PROX1: variants seen among roughly 807,000 people sequenced by gnomAD.
The protein encoded by PROX1 is prospero homeobox 1.
A neutral mutation model predicts 58.8 loss-of-function variants in PROX1; 7 were observed. The observed-to-expected ratio is 0.12, with a 90% CI of 0.07 to 0.22. The LOEUF is 0.22. PROX1 is among the 10% of genes least tolerant of loss of function. PROX1 has a pLI of 1.00. For missense variants in PROX1, 675 were observed against 927.8 expected (o/e 0.73, Z 3.54); for synonymous variants, 350 against 358.3 (o/e 0.98, Z 0.26).
chr1:214,021,792 A>G (rs17021817), intron 4 of PROX1, among the ~76,000 whole-genome samples: 6,640 of 152,292 alleles, frequency 0.044, 487 homozygotes, highest in African/African-American at 0.15. Context: ...CTCTTGGCAA[A>G]TACTCTGGCA....
At chr1:214,015,997 G>A (rs1664081296) in intron 4 of PROX1, among the ~76,000 whole-genome samples, 1 of 152,058 alleles carries the variant, frequency 6.6e-6, no homozygotes. Flanking sequence ...ATTGAATAGG[G>A]AACTTGATTC....
In PROX1 at chr1:214,036,711, T is replaced by C. The variant is rs1664841734; in HGVS notation, c.*877T>C. 6.6e-6 allele frequency: 1 copy of C among 152,348 alleles called. No homozygotes were observed. Among genetic ancestry groups the C allele is most frequent in the East Asian group, 1.9e-4 (1 of 5,186 alleles). The allele number at this position is 152,348 out of a possible 1,614,324, so 9.4% of individuals were successfully genotyped here. On this transcript the variant is annotated 3_prime_UTR_variant, in exon 5 of 5. Transcript: ENST00000366958. The stretch of plus-strand genomic sequence containing the variant: ...AATTTACGCTGCTCAACTTTGTTTA[T>C]ATGCTTAAAAGGATTCTGTTTACTT...
intron 4 of PROX1, among the ~76,000 whole-genome samples, chr1:214,028,134 G>A (rs916191150): frequency 2.0e-5 from 3 of 152,056 alleles, no homozygotes; most frequent in African/African-American, 4.8e-5. Flanking sequence ...TTAGTCCTAA[G>A]CCCAGATGTT....
At chr1:214,027,343 G>A (rs920310356) in intron 4 of PROX1, among the ~76,000 whole-genome samples, 1 of 152,034 alleles carries the variant, frequency 6.6e-6, no homozygotes, top group African/African-American at 2.4e-5. Flanking sequence ...TTGGCAAGAA[G>A]GCCGATTGCC....
Position 214,038,190 on chromosome 1 carries a change from C to T in PROX1, c.*2356C>T, listed in dbSNP as rs887857960. On this transcript the variant is annotated 3_prime_UTR_variant, in exon 5 of 5. Transcript: ENST00000366958. ...TGCCCTTATCTACTGATAATATCCT[C>T]TCAATGTTCACTGAGGCATAGAAAT... 6.6e-6 allele frequency: 1 copy of T among 152,162 alleles called. No homozygotes were observed. Among genetic ancestry groups the T allele is most frequent in the Non-Finnish European group, 1.5e-5 (1 of 68,028 alleles). 9.4% of individuals were successfully genotyped at this position (152,162 alleles called of 1,614,324 possible). A position where few individuals can be genotyped will look rare whatever the true frequency, so the allele number is the denominator to read the frequency against.
upstream of PROX1, chr1:213,984,842 TTC>T (rs1662787592): frequency 6.6e-6 from 1 of 152,580 alleles, no homozygotes; most frequent in Non-Finnish European, 1.5e-5. Context: ...CTGGTTGTAA[TTC>T]TCAGAATTGG....
intron 2 of PROX1, 58 bp downstream of exon 2, chr1:213,998,318 T>C: frequency 6.6e-7 from 1 of 1,506,754 alleles, no homozygotes; most frequent in Non-Finnish European, 8.9e-7. Flanking sequence ...TCCCAAAAGG[T>C]TGGGTTTACA....
At chr1:213,995,271 G>A (rs1663217916) in intron 1 of PROX1, among the ~76,000 whole-genome samples, 1 of 152,136 alleles carries the variant, frequency 6.6e-6, no homozygotes, top group African/African-American at 2.4e-5. Flanking sequence ...CAAAATTTGG[G>A]ATTAGCATCA....
chr1:214,001,233 A>C lies in PROX1; in HGVS notation c.1725+2973A>C, dbSNP rs139641282. 5.5e-3 allele frequency among the ~76,000 whole-genome samples: 834 copies of C among 152,320 alleles called. 6 individuals carry two copies. The highest frequency in any genetic ancestry group is 0.019 in the African/African-American group (795 of 41,578). ...TCTGTAGGATAGAACACACTACCTCATTATCCCATCTAGTAGAAGGGAAAT... is the reference window on the plus strand; with the variant it reads ...TCTGTAGGATAGAACACACTACCTCCTTATCCCATCTAGTAGAAGGGAAAT... On this transcript the variant is annotated intron_variant, in intron 2 of 4. Transcript: ENST00000366958.
intron 4 of PROX1, among the ~76,000 whole-genome samples, chr1:214,019,764 G>A (rs963041842): frequency 6.6e-6 from 1 of 152,154 alleles, no homozygotes; most frequent in Non-Finnish European, 1.5e-5. Flanking sequence ...TGTTGCGTTG[G>A]CAAATGTCCC....
chr1:214,022,983 A>C (rs1251896391), intron 4 of PROX1, among the ~76,000 whole-genome samples: 4 of 152,218 alleles, frequency 2.6e-5, no homozygotes, highest in Admixed American at 1.3e-4. Context: ...TATCTCAGTC[A>C]AAATCTCCAG....
At chr1:214,018,349 C>T (rs1269114106) in intron 4 of PROX1, among the ~76,000 whole-genome samples, 4 of 152,186 alleles carry the variant, frequency 2.6e-5, no homozygotes, top group East Asian at 1.9e-4. Flanking sequence ...GAAGCGTAGA[C>T]GTTTAATACT....
chr1:213,990,936 G>A (rs527924111), intron 1 of PROX1, among the ~76,000 whole-genome samples: 1 of 152,228 alleles, frequency 6.6e-6, no homozygotes, highest in African/African-American at 2.4e-5. Context: ...TCCTAGATAT[G>A]AATTTGATGG....
intron 4 of PROX1, among the ~76,000 whole-genome samples, chr1:214,020,302 T>C (rs148303931): frequency 6.6e-6 from 1 of 152,328 alleles, no homozygotes; most frequent in East Asian, 1.9e-4. Flanking sequence ...CACTTTGAAA[T>C]GTGAGTACAG....
intron 1 of PROX1, among the ~76,000 whole-genome samples, chr1:213,994,833 C>A (rs1217185457): frequency 2.2e-5 from 3 of 135,704 alleles, no homozygotes; most frequent in African/African-American, 8.2e-5. Flanking sequence ...TCATGATACC[C>A]TAAAGCAGGC....
Position 213,997,072 on chromosome 1 carries a change from C to A in PROX1, c.537C>A (p.Ser179=), listed in dbSNP as rs1358536619. 6.2e-7 allele frequency: 1 copy of A among 1,613,850 alleles called. No individual in the cohort carries two copies. The highest frequency in any genetic ancestry group is 8.5e-7 in the Non-Finnish European group (1 of 1,180,006). The change falls in exon 2 of 5, where the codon TCC becomes TCA. Residue 179 remains serine (S), a synonymous_variant. Coordinates refer to ENST00000366958, the MANE Select transcript of PROX1 (RefSeq NM_001270616.2). The surrounding 1 kb of genome is among the most constrained non-coding windows in gnomAD (Gnocchi z 7.1). ...VENIIRGMSH[S]PSVALRGNEN... Reference sequence around the variant, plus strand: ...ATATAATTCGGGGTATGAGCCATTCCCCCAGTGTGGCATTAAGGGGCAATG... The same window carrying A: ...ATATAATTCGGGGTATGAGCCATTCACCCAGTGTGGCATTAAGGGGCAATG...
At chr1:214,019,233 GC>G (rs922970191) in intron 4 of PROX1, among the ~76,000 whole-genome samples, 1 of 151,206 alleles carries the variant, frequency 6.6e-6, no homozygotes, top group Admixed American at 6.6e-5. Flanking sequence ...TGCTCTTTTT[GC>G]CCCCCCACCC....
rs780703615 is a variant in PROX1, at chr1:214,011,505, C to T, written c.1834-16C>T. ...ATGGCAATGTTCTTATCCTTTTCAA[C>T]ATTTAAATTTAACAGTTCAACAGAT... On this transcript the variant is annotated splice_polypyrimidine_tract_variant and intron_variant, in intron 3 of 4. Coordinates refer to ENST00000366958, the MANE Select transcript of PROX1 (RefSeq NM_001270616.2). The T allele has an allele frequency of 7.5e-6, 12 of 1,594,306 alleles. No homozygotes were observed. The highest frequency in any genetic ancestry group is 1.1e-5 in the South Asian group (1 of 88,402).
At chr1:213,986,583 C>T (rs1281349492), upstream of PROX1, among the ~76,000 whole-genome samples, 1 of 151,966 alleles carries the variant, frequency 6.6e-6, no homozygotes, top group Non-Finnish European at 1.5e-5. Flanking sequence ...TCATAAATAC[C>T]CTGTTGTCAC....
Sources: gnomAD v4.1 joint callset for allele counts (sites outside exome capture counted in the v4.1 genomes callset) on GRCh38, gnomAD v4.1.1 for gene constraint, Gnocchi (gnomAD v3.1) non-coding constraint, MANE v1.5 for transcripts, NCBI Gene and HGNC (gene_info 2026-07-23, HGNC 2026-07-21) for gene names.